Variants in RIMS2 observed in about 807,000 individuals in gnomAD.
The protein encoded by RIMS2 is regulating synaptic membrane exocytosis 2, also known as regulating synaptic membrane exocytosis protein 2.
A neutral mutation model predicts 174.4 loss-of-function variants in RIMS2; 59 were observed. The observed-to-expected ratio is 0.34, with a 90% CI of 0.27 to 0.42. RIMS2 has a LOEUF of 0.42. Among genes scored for constraint, RIMS2 ranks in the 10% least tolerant of loss-of-function variants. RIMS2 has a pLI of 1.00. For missense variants in RIMS2, 1,620 were observed against 1,666.3 expected, an observed-to-expected ratio of 0.97 and a Z score of 0.48; for synonymous variants, 606 against 572.5, an observed-to-expected ratio of 1.06 and a Z score of -0.84.
At chr8:104,034,223 C>T (rs2096462636) in intron 19 of RIMS2, among the ~76,000 whole-genome samples, 1 of 151,980 alleles carries the variant, frequency 6.6e-6, no homozygotes, top group Non-Finnish European at 1.5e-5. Flanking sequence ...GGGAATTTGC[C>T]ATTTCTGGGA....
chr8:103,796,362 A>T (rs1159863519), intron 3 of RIMS2, among the ~76,000 whole-genome samples: 1 of 152,204 alleles, frequency 6.6e-6, no homozygotes, highest in Non-Finnish European at 1.5e-5. Flanking sequence ...TTTAATTCCC[A>T]TAAAAATGTT....
intron 19 of RIMS2, among the ~76,000 whole-genome samples, chr8:104,165,450 A>G (rs1365407314): frequency 6.6e-6 from 1 of 152,060 alleles, no homozygotes; most frequent in African/African-American, 2.4e-5. Flanking sequence ...ACTTAGCGGG[A>G]AAAATTGTAA....
chr8:104,159,293 C>T (rs1344170226), intron 19 of RIMS2, among the ~76,000 whole-genome samples: 1 of 152,204 alleles, frequency 6.6e-6, no homozygotes, highest in Non-Finnish European at 1.5e-5. Context: ...GTTTTGGTTA[C>T]TGTAGCCTTG....
At chr8:103,916,264 G>A (rs568020117) in intron 7 of RIMS2, 150 bp from the exon 11 acceptor site, 13 of 466,540 alleles carry the variant, frequency 2.8e-5, no homozygotes, top group African/African-American at 6.0e-5. Flanking sequence ...ATCAAATTTT[G>A]TGTCACTGGA....
At chr8:103,910,009 G>C in intron 4 of RIMS2, 1 of 517,506 alleles carries the variant, frequency 1.9e-6, no homozygotes. Context: ...TATATATATA[G>C]TGAGTGCTAC....
chr8:104,225,210 C>A (rs1378207945), intron 19 of RIMS2, among the ~76,000 whole-genome samples: 2 of 152,168 alleles, frequency 1.3e-5, no homozygotes, highest in African/African-American at 4.8e-5. Context: ...TTGTTATCCT[C>A]ATTTCACAAA....
chr8:103,804,101 A>C (rs1487772733), intron 3 of RIMS2, among the ~76,000 whole-genome samples: 1 of 152,208 alleles, frequency 6.6e-6, no homozygotes. Flanking sequence ...AGTACAGCAT[A>C]TTTCAAAAAA....
At chr8:103,558,769 A>G (rs900025950) in intron 1 of RIMS2, among the ~76,000 whole-genome samples, 3 of 152,180 alleles carry the variant, frequency 2.0e-5, no homozygotes, top group African/African-American at 7.2e-5. Context: ...TGGTCATTGG[A>G]GATCATTAAA....
chr8:103,732,718 C>T (rs555523592), intron 2 of RIMS2, among the ~76,000 whole-genome samples: 2 of 152,240 alleles, frequency 1.3e-5, no homozygotes, highest in East Asian at 1.9e-4. Flanking sequence ...CCTTCATCAC[C>T]ACCACCGCGG....
At chr8:103,518,695 A>G (rs1169878029) in intron 1 of RIMS2, among the ~76,000 whole-genome samples, 1 of 152,020 alleles carries the variant, frequency 6.6e-6, no homozygotes, top group Non-Finnish European at 1.5e-5. Flanking sequence ...TCTGTAGTGA[A>G]AGGTTTTGAA....
At chr8:103,540,596 C>G (rs979678826) in intron 1 of RIMS2, among the ~76,000 whole-genome samples, 7 of 152,150 alleles carry the variant, frequency 4.6e-5, no homozygotes, top group Admixed American at 6.5e-5. Flanking sequence ...CATAAAATGA[C>G]AAGAAACATG....
At chr8:103,757,580 G>T (rs1450699251) in intron 2 of RIMS2, among the ~76,000 whole-genome samples, 3 of 152,028 alleles carry the variant, frequency 2.0e-5, no homozygotes, top group Non-Finnish European at 4.4e-5. Flanking sequence ...GCAGAAAAAT[G>T]GCCCCTCTAA....
In RIMS2 at chr8:103,580,825, CT is replaced by C. The variant is rs61559970; in HGVS notation, c.176+79785del. 9.0e-3 allele frequency among the ~76,000 whole-genome samples: 1,023 copies of C among 113,418 alleles called. 1 individual carries two copies. The highest frequency in any genetic ancestry group is 0.022 in the Middle Eastern group (4 of 184). 74.4% of individuals were successfully genotyped at this position (113,418 alleles called of 152,430 possible). A position where few individuals can be genotyped will look rare whatever the true frequency, so the allele number is the denominator to read the frequency against. ...AAAGAAACTGAAGAGAAAGGGAATA[CT>C]TTTTTTTTTTTTTTTTTTTTTGAGA... On this transcript the variant is annotated intron_variant, in intron 1 of 23. Coordinates refer to ENST00000504942, the Ensembl canonical transcript of RIMS2.
chr8:103,999,893 G>A (rs1306485859), intron 17 of RIMS2, among the ~76,000 whole-genome samples: 1 of 151,648 alleles, frequency 6.6e-6, no homozygotes, highest in East Asian at 1.9e-4. Flanking sequence ...TTGTCTTTCT[G>A]TGCCACAATT....
intron 1 of RIMS2, among the ~76,000 whole-genome samples, chr8:103,518,554 A>G (rs1192609457): frequency 1.3e-5 from 2 of 151,722 alleles, no homozygotes; most frequent in South Asian, 2.1e-4. Flanking sequence ...AAGAAAATAT[A>G]TTTTAATATT....
At chr8:103,836,544 T>C (rs1364342507) in intron 3 of RIMS2, among the ~76,000 whole-genome samples, 2 of 152,160 alleles carry the variant, frequency 1.3e-5, no homozygotes, top group Non-Finnish European at 2.9e-5. Flanking sequence ...TTAGCTTGAG[T>C]GGCAGACTGA....
chr8:103,642,671 T>C (rs114349399), intron 1 of RIMS2, among the ~76,000 whole-genome samples: 1,666 of 152,156 alleles, frequency 0.011, 44 homozygotes, highest in African/African-American at 0.038. Flanking sequence ...TCTTTCACTT[T>C]TGAAGGATAA....
At chr8:103,918,821 A>T (rs571200229) in intron 9 of RIMS2, among the ~76,000 whole-genome samples, 1 of 152,180 alleles carries the variant, frequency 6.6e-6, no homozygotes, top group East Asian at 1.9e-4. Flanking sequence ...CCAACAAAAA[A>T]TCATGAATAT....
At chr8:104,221,682 G>A (rs1420719695) in intron 19 of RIMS2, among the ~76,000 whole-genome samples, 1 of 152,174 alleles carries the variant, frequency 6.6e-6, no homozygotes, top group African/African-American at 2.4e-5. Flanking sequence ...AAATCTGGAT[G>A]AGCCTAAGTC....
Sources: allele counts gnomAD v4.1 joint callset (sites outside exome capture counted in the v4.1 genomes callset), GRCh38; gene constraint gnomAD v4.1.1; transcripts MANE v1.5; gene names NCBI Gene and HGNC (gene_info 2026-07-23, HGNC 2026-07-21).